The following TLX2 variants were observed in gnomAD, a reference collection of about 807,000 sequenced individuals.
The protein encoded by TLX2 is T-cell leukemia homeobox protein 2.
TLX2 carries 15 observed loss-of-function variants against 21.7 expected under a neutral mutation model. That is an observed-to-expected ratio of 0.69 (90% CI 0.46 to 1.07). TLX2 has a LOEUF of 1.07. TLX2 is among the 50% of genes least tolerant of loss of function. The pLI, the probability that TLX2 is intolerant of heterozygous loss-of-function variation, is 0.00. For missense variants in TLX2, 384 were observed against 409.1 expected (o/e 0.94, Z 0.53); for synonymous variants, 213 against 193.1 (o/e 1.10, Z -0.85).
chr2:74,516,343 C>A lies in TLX2; in HGVS notation c.*154C>A. 1 of 1,523,078 alleles carries A rather than the reference C, an allele frequency of 6.6e-7. No individual in the cohort carries two copies. Among genetic ancestry groups the A allele is most frequent in the African/African-American group, 1.4e-5 (1 of 72,100 alleles). 94.3% of individuals were successfully genotyped at this position (1,523,078 alleles called of 1,614,324 possible). ...CCTCCACCACCGGCCGGCTCCCAAG[C>A]CAGCGTTGCGCAGATGCACGGCCAG... On this transcript the variant is annotated 3_prime_UTR_variant, in exon 3 of 3. Transcript: ENST00000233638.
chr2:74,515,317 C>T lies in TLX2; in HGVS notation c.400+111C>T. The T allele has an allele frequency of 5.3e-6, 8 of 1,518,238 alleles. No individual in the cohort carries two copies. The highest frequency in any genetic ancestry group is 1.4e-5 in the African/African-American group (1 of 71,898). 94.0% of individuals were successfully genotyped at this position (1,518,238 alleles called of 1,614,324 possible). A position where few individuals can be genotyped will look rare whatever the true frequency, so the allele number is the denominator to read the frequency against. The stretch of plus-strand genomic sequence containing the variant: ...CCTTTCACACCTCCCACTAGATCCT[C>T]CCAGGGGATCCTCCCCCAACTCAAA... On this transcript the variant is annotated intron_variant, in intron 1 of 2. Transcript: ENST00000233638. This position sits in a 1 kb window ranked among gnomAD's most constrained non-coding sequence, Gnocchi z 6.6.
At position 74,515,075 on chromosome 2, in the gene TLX2, C is replaced by T. The variant is rs939368058; in HGVS notation, c.269C>T (p.Pro90Leu). 5.2e-6 allele frequency: 8 copies of T among 1,525,650 alleles called. No individual in the cohort carries two copies. The highest frequency in any genetic ancestry group is 7.0e-6 in the Non-Finnish European group (8 of 1,138,546). 94.5% of individuals were successfully genotyped at this position (1,525,650 alleles called of 1,614,324 possible). A position where few individuals can be genotyped will look rare whatever the true frequency, so the allele number is the denominator to read the frequency against. Residue 90 changes from proline (P) to leucine (L), a missense_variant, in exon 1 of 3, where the codon CCT becomes CTT. Physicochemically the swap from Pro to Leu is moderately conservative, Grantham distance 98 (BLOSUM62 -3). Transcript: ENST00000233638. This position sits in a 1 kb window ranked among gnomAD's most constrained non-coding sequence, Gnocchi z 6.6. Reference protein sequence around the residue: ...VIRVPAHRPLPVPPPAGGAPA... With the variant: ...VIRVPAHRPLLVPPPAGGAPA... ...CGCGTCCCTGCGCACCGCCCGCTGC[C>T]TGTGCCGCCGCCCGCTGGGGGGGCG...
Position 74,516,118 on chromosome 2 carries a change from C to A in TLX2, c.784C>A (p.Leu262Met), listed in dbSNP as rs753318672. ...CCTGCACAACTCGTCGCTCTTCGCG[C>A]TGCAGAACCTGCAGCCCTGGGCCGA... Reference protein sequence around the residue: ...LCLHNSSLFALQNLQPWAEDN... With the variant: ...LCLHNSSLFAMQNLQPWAEDN... The change falls in exon 3 of 3, where the codon CTG (leucine) becomes ATG (methionine). Residue 262 changes from leucine (L) to methionine (M), a missense_variant. Leu to Met is a conservative substitution (Grantham distance 15). Transcript: ENST00000233638. The A allele has an allele frequency of 8.1e-6, 13 of 1,610,542 alleles. No homozygotes were observed. The highest frequency in any genetic ancestry group is 1.0e-5 in the Non-Finnish European group (12 of 1,179,176).
At position 74,514,673 on chromosome 2, in the gene TLX2, C is replaced by A; in HGVS notation, c.-134C>A. The stretch of plus-strand genomic sequence containing the variant: ...AGGGATGCTGCTGTTTCGGGGACCC[C>A]GGCGCCCTGCCTTGGCCAGCCCCGC... On this transcript the variant is annotated 5_prime_UTR_variant, in exon 1 of 3. Transcript: ENST00000233638. This position sits in a 1 kb window ranked among gnomAD's most constrained non-coding sequence, Gnocchi z 5.0. 5.3e-6 allele frequency: 8 copies of A among 1,507,764 alleles called. No individual in the cohort carries two copies. The highest frequency in any genetic ancestry group is 7.1e-6 in the Non-Finnish European group (8 of 1,129,956). 93.4% of individuals were successfully genotyped at this position (1,507,764 alleles called of 1,614,324 possible). A position where few individuals can be genotyped will look rare whatever the true frequency, so the allele number is the denominator to read the frequency against.
At position 74,515,804 on chromosome 2, in the gene TLX2, C is replaced by T. The variant is rs762785155; in HGVS notation, c.572C>T (p.Ala191Val). 1.2e-6 allele frequency: 2 copies of T among 1,612,824 alleles called. No individual in the cohort carries two copies. The highest frequency in any genetic ancestry group is 1.1e-5 in the South Asian group (1 of 91,070). ...GCCTCTGCGGAGAGGGCGGCGCTGG[C>T]CAAGGCCTTGCGCATGACCGACGCA... ...YLASAERAAL[A>V]KALRMTDAQV... Residue 191 changes from alanine (A) to valine (V), a missense_variant, in exon 2 of 3, where the codon GCC becomes GTC. By Grantham distance (64) the Ala-to-Val change is moderately conservative. Transcript: ENST00000233638. The surrounding 1 kb of genome is among the most constrained non-coding windows in gnomAD (Gnocchi z 6.6).
rs1053674536 is a variant in TLX2, at chr2:74,516,223, C to T, written c.*34C>T. The T allele has an allele frequency of 3.8e-6, 6 of 1,593,740 alleles. No individual in the cohort carries two copies. The Admixed American group carries it at 1.0e-4, about 28-fold the overall frequency. On this transcript the variant is annotated 3_prime_UTR_variant, in exon 3 of 3. Transcript: ENST00000233638. Reference sequence around the variant, plus strand: ...CGTCCGATCGGCGTGGAGCGCCGGGCCCGGAGCGGTGGAGCGCGCGGCTGC... The same window carrying T: ...CGTCCGATCGGCGTGGAGCGCCGGGTCCGGAGCGGTGGAGCGCGCGGCTGC...
chr2:74,515,003 T>G lies in TLX2; in HGVS notation c.197T>G (p.Leu66Arg), dbSNP rs1429682699. ...TCGGGCTACGGTCCCGCCGGCTCAC[T>G]TGCCCCGCTGCCCGGCAGCTCCGGA... ...GASGYGPAGS[L>R]APLPGSSGVG... Residue 66 changes from leucine (L) to arginine (R), a missense_variant, in exon 1 of 3, where the codon CTT (leucine) becomes CGT (arginine). Transcript: ENST00000233638. The surrounding 1 kb of genome is among the most constrained non-coding windows in gnomAD (Gnocchi z 6.6). The G allele has an allele frequency of 2.6e-6, 4 of 1,534,402 alleles. No individual in the cohort carries two copies. Among genetic ancestry groups the G allele is most frequent in the Non-Finnish European group, 3.5e-6 (4 of 1,141,820 alleles).
At position 74,514,683 on chromosome 2, in the gene TLX2, C is replaced by T. The variant is rs1218184790; in HGVS notation, c.-124C>T. 59 of 1,532,066 alleles carry T rather than the reference C, an allele frequency of 3.9e-5. No homozygotes were observed. The highest frequency in any genetic ancestry group is 5.2e-5 in the Non-Finnish European group (59 of 1,140,358). The allele number at this position is 1,532,066 out of a possible 1,614,324, so 94.9% of individuals were successfully genotyped here. A position where few individuals can be genotyped will look rare whatever the true frequency, so the allele number is the denominator to read the frequency against. On this transcript the variant is annotated 5_prime_UTR_variant, in exon 1 of 3. Coordinates refer to ENST00000233638, the MANE Select transcript of TLX2 (RefSeq NM_016170.5). This position sits in a 1 kb window ranked among gnomAD's most constrained non-coding sequence, Gnocchi z 5.0. Reference sequence around the variant, plus strand: ...CTGTTTCGGGGACCCCGGCGCCCTGCCTTGGCCAGCCCCGCGGGCCCCTGA... The same window carrying T: ...CTGTTTCGGGGACCCCGGCGCCCTGTCTTGGCCAGCCCCGCGGGCCCCTGA...
rs1674897147 is a variant in TLX2, at chr2:74,516,667, C to T, written c.*478C>T. ...AAGCAATAGAGGGGGTGCTGGAGCG[C>T]GAGAGGCTGGCTGATTGTGACCGAA... is the stretch of plus-strand genomic sequence containing the variant. On this transcript the variant is annotated 3_prime_UTR_variant, in exon 3 of 3. Transcript: ENST00000233638. The T allele has an allele frequency of 2.4e-6, 1 of 414,762 alleles. No homozygotes were observed. Among genetic ancestry groups the T allele is most frequent in the African/African-American group, 2.2e-5 (1 of 45,560 alleles). 25.7% of individuals were successfully genotyped at this position (414,762 alleles called of 1,614,324 possible). A position where few individuals can be genotyped will look rare whatever the true frequency, so the allele number is the denominator to read the frequency against.
rs566584194 is a variant in TLX2, at chr2:74,515,922, T to A, written c.639-51T>A. On this transcript the variant is annotated intron_variant, in intron 2 of 2. Transcript: ENST00000233638. This position sits in a 1 kb window ranked among gnomAD's most constrained non-coding sequence, Gnocchi z 6.6. ...ACTGGGGTTCCCGAGCAGGGCCTGG[T>A]GAGAAGCGACGCGGCGGGCGCCCCG... 2.3e-5 allele frequency: 35 copies of A among 1,531,944 alleles called. No individual in the cohort carries two copies. The highest frequency in any genetic ancestry group is 3.0e-5 in the Non-Finnish European group (34 of 1,145,880). 94.9% of individuals were successfully genotyped at this position (1,531,944 alleles called of 1,614,324 possible).
At position 74,516,641 on chromosome 2, in the gene TLX2, G is replaced by A. The variant is rs929659741; in HGVS notation, c.*452G>A. On this transcript the variant is annotated 3_prime_UTR_variant, in exon 3 of 3. Coordinates refer to ENST00000233638, the MANE Select transcript of TLX2 (RefSeq NM_016170.5). ...AAGGAAAGAAGACACCGACCACGGCGAAGCAATAGAGGGGGTGCTGGAGCG... is the reference window on the plus strand; with the variant it reads ...AAGGAAAGAAGACACCGACCACGGCAAAGCAATAGAGGGGGTGCTGGAGCG... The A allele has an allele frequency of 6.1e-6, 4 of 651,124 alleles. No homozygotes were observed. The highest frequency in any genetic ancestry group is 6.0e-5 in the African/African-American group (3 of 49,792). The allele number at this position is 651,124 out of a possible 1,614,324, so 40.3% of individuals were successfully genotyped here. A position where few individuals can be genotyped will look rare whatever the true frequency, so the allele number is the denominator to read the frequency against.
rs1674854128 is a variant in TLX2 at position 74,515,237 on chromosome 2, C to T, written c.400+31C>T. 1.3e-6 allele frequency: 2 copies of T among 1,536,728 alleles called. No individual in the cohort carries two copies. The highest frequency in any genetic ancestry group is 2.7e-5 in the African/African-American group (2 of 73,246). ...GTTGTCTGACCCCTCCAGCGTCACG[C>T]CCGACTCTGACCCCGTCTCCTCATT... is the stretch of plus-strand genomic sequence containing the variant. On this transcript the variant is annotated intron_variant, in intron 1 of 2. Coordinates refer to ENST00000233638, the MANE Select transcript of TLX2 (RefSeq NM_016170.5). The surrounding 1 kb of genome is among the most constrained non-coding windows in gnomAD (Gnocchi z 6.6).
chr2:74,514,927 G>T lies in TLX2; in HGVS notation c.121G>T (p.Gly41Cys), dbSNP rs763674022. ...GGGCGGTCTAGGCCTGGGTCGCGGG[G>T]GCCAGGGTCATGGGGAGAATGGGGC... ...PGGGLGLGRG[G>C]QGHGENGAFS... Residue 41 changes from glycine to cysteine, a missense_variant, in exon 1 of 3, where the codon GGC (glycine) becomes TGC (cysteine). By Grantham distance (159) the Gly-to-Cys change is radical. Coordinates refer to ENST00000233638, the MANE Select transcript of TLX2 (RefSeq NM_016170.5). The surrounding 1 kb of genome is among the most constrained non-coding windows in gnomAD (Gnocchi z 5.0). 1 of 1,607,746 alleles carries T rather than the reference G, an allele frequency of 6.2e-7. No homozygotes were observed. Among genetic ancestry groups the T allele is most frequent in the Non-Finnish European group, 8.5e-7 (1 of 1,177,642 alleles).
Position 74,515,183 on chromosome 2 carries a change from G to T in TLX2, c.377G>T (p.Arg126Leu). 1.3e-6 allele frequency: 2 copies of T among 1,541,064 alleles called. No homozygotes were observed. The highest frequency in any genetic ancestry group is 1.7e-6 in the Non-Finnish European group (2 of 1,147,722). Residue 126 changes from arginine to leucine, a missense_variant, in exon 1 of 3, where the codon CGC (arginine) becomes CTC (leucine). Arg to Leu is a moderately radical substitution (Grantham distance 102). Coordinates refer to ENST00000233638, the MANE Select transcript of TLX2 (RefSeq NM_016170.5). This position sits in a 1 kb window ranked among gnomAD's most constrained non-coding sequence, Gnocchi z 6.6. ...LTFPWMDSGR[R>L]FAKDRLTAAL... ...TTCCCCTGGATGGACAGCGGCCGCC[G>T]CTTTGCCAAGGACCGGCTCACGGGT... is the stretch of plus-strand genomic sequence containing the variant.
chr2:74,515,733 A>G lies in TLX2; in HGVS notation c.501A>G (p.Ser167=), dbSNP rs956824615. 1.2e-6 allele frequency: 2 copies of G among 1,613,460 alleles called. No individual in the cohort carries two copies. Among genetic ancestry groups the G allele is most frequent in the East Asian group, 2.2e-5 (1 of 44,890 alleles). ...AGCCGCGCACGTCCTTCTCCCGCTC[A>G]CAGGTGCTGGAGTTGGAGCGGCGCT... ...RKKPRTSFSR[S]QVLELERRFL... Residue 167 remains serine, a synonymous_variant, in exon 2 of 3, where the codon TCA becomes TCG. Transcript: ENST00000233638. The surrounding 1 kb of genome is among the most constrained non-coding windows in gnomAD (Gnocchi z 6.6).
Position 74,516,754 on chromosome 2 carries a change from C to A in TLX2, c.*565C>A. ...AACTGTAAAATAATCGCTAAGGATT[C>A]CTTCCTGACTTTGAGCCTCACGTTG... is the stretch of plus-strand genomic sequence containing the variant. On this transcript the variant is annotated 3_prime_UTR_variant, in exon 3 of 3. Transcript: ENST00000233638. 5.9e-6 allele frequency: 1 copy of A among 170,646 alleles called. No individual in the cohort carries two copies. The highest frequency in any genetic ancestry group is 1.3e-5 in the Non-Finnish European group (1 of 79,870). 10.6% of individuals were successfully genotyped at this position (170,646 alleles called of 1,614,324 possible).
rs199751543 is a variant in TLX2, at chr2:74,516,239, G to C, written c.*50G>C. ...AGCGCCGGGCCCGGAGCGGTGGAGC[G>C]CGCGGCTGCCTGCGTCCATGGTCTA... On this transcript the variant is annotated 3_prime_UTR_variant, in exon 3 of 3. Transcript: ENST00000233638. The C allele has an allele frequency of 5.7e-6, 9 of 1,575,342 alleles. No individual in the cohort carries two copies. In the African/African-American group the frequency reaches 1.2e-4, roughly 21 times the overall value.
rs752562250 is a variant in TLX2, at chr2:74,515,717, C to T, written c.485C>T (p.Thr162Met). Residue 162 changes from threonine (T) to methionine (M), a missense_variant, in exon 2 of 3, where the codon ACG becomes ATG. By Grantham distance (81) the Thr-to-Met change is moderately conservative. Coordinates refer to ENST00000233638, the MANE Select transcript of TLX2 (RefSeq NM_016170.5). This position sits in a 1 kb window ranked among gnomAD's most constrained non-coding sequence, Gnocchi z 6.6. ...RTPPKRKKPR[T>M]SFSRSQVLEL... ...CCTCCGAAGCGGAAGAAGCCGCGCACGTCCTTCTCCCGCTCACAGGTGCTG... is the reference window on the plus strand; with the variant it reads ...CCTCCGAAGCGGAAGAAGCCGCGCATGTCCTTCTCCCGCTCACAGGTGCTG... 6.2e-7 allele frequency: 1 copy of T among 1,613,594 alleles called. No individual in the cohort carries two copies. The highest frequency in any genetic ancestry group is 1.3e-5 in the African/African-American group (1 of 74,952).
Position 74,516,222 on chromosome 2 carries a change from G to T in TLX2, c.*33G>T. On this transcript the variant is annotated 3_prime_UTR_variant, in exon 3 of 3. Coordinates refer to ENST00000233638, the MANE Select transcript of TLX2 (RefSeq NM_016170.5). ...CCGTCCGATCGGCGTGGAGCGCCGG[G>T]CCCGGAGCGGTGGAGCGCGCGGCTG... is the stretch of plus-strand genomic sequence containing the variant. 1 of 1,593,848 alleles carries T rather than the reference G, an allele frequency of 6.3e-7. No individual in the cohort carries two copies.
Sources: allele counts gnomAD v4.1 joint callset, GRCh38; gene constraint gnomAD v4.1.1; non-coding constraint Gnocchi (gnomAD v3.1); transcripts MANE v1.5; gene names NCBI Gene and HGNC (gene_info 2026-07-23, HGNC 2026-07-21).